TSHZ2: variants seen among roughly 807,000 people sequenced by gnomAD.
TSHZ2 encodes the protein teashirt homolog 2.
A neutral mutation model predicts 74.4 loss-of-function variants in TSHZ2; 21 were observed. The observed-to-expected ratio is 0.28, with a 90% CI of 0.20 to 0.41. The LOEUF is 0.41. Among genes scored for constraint, TSHZ2 ranks in the 10% least tolerant of loss-of-function variants. The pLI is 1.00. For synonymous variants in TSHZ2, 540 were observed against 515.3 expected (o/e 1.05, Z -0.65); for missense variants, 1,244 against 1,293.5 (o/e 0.96, Z 0.59).
At chr20:53,202,953 T>C (rs1989044258) in intron 1 of TSHZ2, among the ~76,000 whole-genome samples, 1 of 152,178 alleles carries the variant, frequency 6.6e-6, no homozygotes, top group Admixed American at 6.5e-5. Flanking sequence ...CTACCATGGC[T>C]ATGTACAAAG....
intron 2 of TSHZ2, among the ~76,000 whole-genome samples, chr20:53,311,308 G>T (rs1035582461): frequency 1.3e-5 from 2 of 152,154 alleles, no homozygotes; most frequent in African/African-American, 4.8e-5. Context: ...AAATTATTCA[G>T]CCAGACTGAA....
At chr20:53,118,370 G>A (rs192924569) in intron 1 of TSHZ2, among the ~76,000 whole-genome samples, 15 of 152,286 alleles carry the variant, frequency 9.8e-5, no homozygotes, top group Admixed American at 9.2e-4. Flanking sequence ...CAGAGCCTGA[G>A]GCAGGGATTT....
intron 2 of TSHZ2, among the ~76,000 whole-genome samples, chr20:53,336,766 T>A (rs903912445): frequency 1.3e-5 from 2 of 152,202 alleles, no homozygotes; most frequent in Admixed American, 6.5e-5. Context: ...GTTGAAGATA[T>A]CTTCTCGCTT....
At chr20:53,355,209 T>C (rs1980800956) in intron 2 of TSHZ2, among the ~76,000 whole-genome samples, 1 of 152,202 alleles carries the variant, frequency 6.6e-6, no homozygotes, top group South Asian at 2.1e-4. Flanking sequence ...CTACAAATGA[T>C]AAGTGTTCTG....
intron 1 of TSHZ2, among the ~76,000 whole-genome samples, chr20:53,125,878 A>G (rs1276582203): frequency 3.9e-5 from 6 of 152,260 alleles, no homozygotes; most frequent in Admixed American, 2.0e-4. Flanking sequence ...TATCTCTGCA[A>G]CAACTGTAAT....
intron 2 of TSHZ2, among the ~76,000 whole-genome samples, chr20:53,269,962 A>G (rs1425590653): frequency 6.6e-6 from 1 of 152,164 alleles, no homozygotes; most frequent in Admixed American, 6.5e-5. Flanking sequence ...ATATTCTCAT[A>G]TCATCTCTGA....
intron 2 of TSHZ2, among the ~76,000 whole-genome samples, chr20:53,372,493 A>G (rs949705676): frequency 6.6e-6 from 1 of 151,954 alleles, no homozygotes; most frequent in Non-Finnish European, 1.5e-5. Context: ...ATAAAGAAGG[A>G]AGAAAGGAAG....
intron 1 of TSHZ2, among the ~76,000 whole-genome samples, chr20:53,096,818 G>A (rs1202756677): frequency 6.6e-6 from 1 of 151,708 alleles, no homozygotes; most frequent in Non-Finnish European, 1.5e-5. Flanking sequence ...GGAGGCAGAG[G>A]TAGCAGTGAG....
intron 2 of TSHZ2, among the ~76,000 whole-genome samples, chr20:53,417,149 C>G (rs1162237497): frequency 1.3e-5 from 2 of 151,620 alleles, no homozygotes; most frequent in Admixed American, 1.3e-4. Context: ...AGTAGAAAAC[C>G]ATGACTCTAG....
At chr20:53,333,091 A>G (rs1979791866) in intron 2 of TSHZ2, among the ~76,000 whole-genome samples, 1 of 152,186 alleles carries the variant, frequency 6.6e-6, no homozygotes, top group African/African-American at 2.4e-5. Context: ...GCTCCATGAC[A>G]TCAAGCATGT....
chr20:53,278,611 A>G (rs1990990938), intron 2 of TSHZ2, among the ~76,000 whole-genome samples: 1 of 152,190 alleles, frequency 6.6e-6, no homozygotes, highest in African/African-American at 2.4e-5. Flanking sequence ...ATAAGCTAAC[A>G]TTTCATGAGT....
At chr20:53,314,463 G>C (rs1015156031) in intron 2 of TSHZ2, among the ~76,000 whole-genome samples, 1 of 152,062 alleles carries the variant, frequency 6.6e-6, no homozygotes, top group Non-Finnish European at 1.5e-5. Flanking sequence ...GGTGGGGCAT[G>C]ATCTGGAGAA....
In TSHZ2 at chr20:53,434,130, A is replaced by G. The variant is rs1039349067; in HGVS notation, c.*9-53014A>G. On this transcript the variant is annotated intron_variant, in intron 2 of 2. Transcript: ENST00000371497. ...AGGTGATTTGCCTACTCGGCCTCCCAAAGTGCTGGGATTACAGGCACGAGC... is the reference window on the plus strand; with the variant it reads ...AGGTGATTTGCCTACTCGGCCTCCCGAAGTGCTGGGATTACAGGCACGAGC... 2.6e-5 allele frequency among the ~76,000 whole-genome samples: 4 copies of G among 152,152 alleles called. No individual in the cohort carries two copies. The East Asian group carries it at 7.7e-4, about 29-fold the overall frequency.
At chr20:53,221,439 T>C (rs1003876034) in intron 1 of TSHZ2, among the ~76,000 whole-genome samples, 6 of 152,214 alleles carry the variant, frequency 3.9e-5, no homozygotes, top group African/African-American at 9.7e-5. Flanking sequence ...TTTTGTTATC[T>C]TCTGGGTCAG....
intron 2 of TSHZ2, among the ~76,000 whole-genome samples, chr20:53,275,788 G>A (rs1239068298): frequency 1.3e-5 from 2 of 152,124 alleles, no homozygotes; most frequent in African/African-American, 2.4e-5. Flanking sequence ...TTAGCCAGGC[G>A]CGGTGGCACA....
intron 2 of TSHZ2, chr20:53,399,988 C>T (rs1982596037): frequency 6.6e-6 from 1 of 152,370 alleles, no homozygotes; most frequent in South Asian, 2.1e-4. Flanking sequence ...AGACTGGCCA[C>T]TCACTGTAGA....
At chr20:53,315,082 C>T (rs1409435222) in intron 2 of TSHZ2, among the ~76,000 whole-genome samples, 1 of 152,154 alleles carries the variant, frequency 6.6e-6, no homozygotes, top group East Asian at 1.9e-4. Flanking sequence ...AGATGCAGAC[C>T]CTACTTCTTG....
chr20:53,120,325 A>G (rs189425130), intron 1 of TSHZ2, among the ~76,000 whole-genome samples: 262 of 152,362 alleles, frequency 1.7e-3, no homozygotes, highest in Non-Finnish European at 2.7e-3. Context: ...ACAAAGTATG[A>G]TAATCGTTCA....
At chr20:53,017,670 T>C (rs1983090458) in intron 1 of TSHZ2, among the ~76,000 whole-genome samples, 1 of 152,172 alleles carries the variant, frequency 6.6e-6, no homozygotes, top group Admixed American at 6.5e-5. Flanking sequence ...AAACAATCCA[T>C]CAAACAGCCT....
Sources: gnomAD v4.1 joint callset for allele counts (sites outside exome capture counted in the v4.1 genomes callset) on GRCh38, gnomAD v4.1.1 for gene constraint, MANE v1.5 for transcripts, NCBI Gene and HGNC (gene_info 2026-07-23, HGNC 2026-07-21) for gene names.